ABHD17B: variants seen among roughly 807,000 people sequenced by gnomAD.
ABHD17B encodes abhydrolase domain containing 17B, depalmitoylase.
Under a neutral mutation model 26.2 loss-of-function variants are expected in ABHD17B, and 9 were observed. The observed-to-expected ratio is 0.34, with a 90% CI of 0.21 to 0.60. The LOEUF (loss-of-function observed/expected upper bound fraction) is 0.60. Ranked by LOEUF, ABHD17B falls within the 20% of genes least tolerant of loss-of-function variation. The pLI, the probability that ABHD17B is intolerant of heterozygous loss-of-function variation, is 0.80. For missense variants in ABHD17B, 224 were observed against 352.1 expected (o/e 0.64, Z 2.91); for synonymous variants, 127 against 122.3 (o/e 1.04, Z -0.25).
chr9:71,878,767 AAGAG>A (rs756590962), intron 1 of ABHD17B, among the ~76,000 whole-genome samples: 5 of 152,068 alleles, frequency 3.3e-5, no homozygotes, highest in Non-Finnish European at 5.9e-5. Context: ...AAAAAAAACA[AAGAG>A]AGAGAGAGAT....
intron 1 of ABHD17B, among the ~76,000 whole-genome samples, chr9:71,906,446 T>A (rs1449080951): frequency 6.6e-6 from 1 of 152,216 alleles, no homozygotes; most frequent in East Asian, 1.9e-4. Context: ...AGCGTCTAAT[T>A]ACTACTATTT....
chr9:71,874,758 C>T lies in ABHD17B; in HGVS notation c.323G>A (p.Ser108Asn). The T allele has an allele frequency of 6.2e-7, 1 of 1,614,138 alleles. No individual in the cohort carries two copies. Among genetic ancestry groups the T allele is most frequent in the Non-Finnish European group, 8.5e-7 (1 of 1,180,014 alleles). ...HGNAVDLGQM[S>N]SFYIGLGSRI... ...TGATCCTAGTCCTATGTAAAAGCTGCTCATTTGACCAAGATCAACAGCATT... is the reference window on the plus strand; with the variant it reads ...TGATCCTAGTCCTATGTAAAAGCTGTTCATTTGACCAAGATCAACAGCATT... The change falls in exon 2 of 4, where the codon AGC becomes AAC. Residue 108 changes from serine to asparagine, a missense_variant. Physicochemically the swap from Ser to Asn is conservative, Grantham distance 46 (BLOSUM62 1). Coordinates refer to ENST00000333421, the MANE Select transcript of ABHD17B (RefSeq NM_001025780.3).
chr9:71,881,946 A>G (rs1228294051), intron 1 of ABHD17B, among the ~76,000 whole-genome samples: 1 of 152,052 alleles, frequency 6.6e-6, no homozygotes, highest in Non-Finnish European at 1.5e-5. Flanking sequence ...CCCAATTAAT[A>G]GACAAAGGGA....
rs760070567 is a variant in ABHD17B, at chr9:71,875,057, C to T, written c.24G>A (p.Glu8=). 18 of 1,609,326 alleles carry T rather than the reference C, an allele frequency of 1.1e-5. No individual in the cohort carries two copies. The highest frequency in any genetic ancestry group is 2.2e-5 in the East Asian group (1 of 44,738). The change falls in exon 2 of 4, where the codon GAG becomes GAA. Residue 8 remains glutamate (E), a synonymous_variant. Transcript: ENST00000333421. MNNLSFS[E]LCCLFCCPPC... is the part of the protein sequence containing the mutation. ...GTGGACAGCAGAAGAGGCAACATAGCTCACTAAATGAAAGATTATTCATGC... is the reference window on the plus strand; with the variant it reads ...GTGGACAGCAGAAGAGGCAACATAGTTCACTAAATGAAAGATTATTCATGC...
intron 1 of ABHD17B, among the ~76,000 whole-genome samples, chr9:71,893,666 C>G (rs1265076078): frequency 1.3e-5 from 2 of 152,216 alleles, no homozygotes; most frequent in Non-Finnish European, 2.9e-5. Flanking sequence ...CACGCCCTCT[C>G]TCCTACCCAG....
At chr9:71,888,999 G>A (rs1210370980) in intron 1 of ABHD17B, among the ~76,000 whole-genome samples, 2 of 150,556 alleles carry the variant, frequency 1.3e-5, no homozygotes, top group Non-Finnish European at 3.0e-5. Flanking sequence ...TATTATGAAA[G>A]TATTACAAGA....
chr9:71,880,309 G>C (rs1826401580), intron 1 of ABHD17B, among the ~76,000 whole-genome samples: 1 of 151,918 alleles, frequency 6.6e-6, no homozygotes, highest in Admixed American at 6.6e-5. Context: ...AAATAAAACT[G>C]TAAGTCCACT....
intron 1 of ABHD17B, among the ~76,000 whole-genome samples, chr9:71,901,814 A>AC (rs1827151480): frequency 6.6e-6 from 1 of 152,104 alleles, no homozygotes; most frequent in Admixed American, 6.5e-5. Flanking sequence ...TTATAAAATC[A>AC]CTCACTAATA....
At chr9:71,871,676 C>T (rs966742725) in intron 2 of ABHD17B, among the ~76,000 whole-genome samples, 2 of 152,162 alleles carry the variant, frequency 1.3e-5, no homozygotes, top group African/African-American at 4.8e-5. Flanking sequence ...TAACAACTGC[C>T]TAACAGTATG....
At chr9:71,875,221 T>C in intron 1 of ABHD17B, 138 bp from the exon 2 acceptor site, 1 of 675,144 alleles carries the variant, frequency 1.5e-6, no homozygotes, top group Admixed American at 4.1e-5. Context: ...CCAAACAGAT[T>C]TTTGGCTTCT....
intron 1 of ABHD17B, among the ~76,000 whole-genome samples, chr9:71,898,540 G>A (rs1827030503): frequency 6.6e-6 from 1 of 152,014 alleles, no homozygotes; most frequent in Non-Finnish European, 1.5e-5. Context: ...TCAGGAGGCT[G>A]AGGCAGGAGA....
rs530870915 is a variant in ABHD17B, at chr9:71,883,639, T to C, written c.-3-8556A>G. ...CTTCATTCAAATAAAGGATTTCTCTTAAATGAAAAATGTCAGGGCAGCCGT... is the reference window on the plus strand; with the variant it reads ...CTTCATTCAAATAAAGGATTTCTCTCAAATGAAAAATGTCAGGGCAGCCGT... On this transcript the variant is annotated intron_variant, in intron 1 of 3. Coordinates refer to ENST00000333421, the MANE Select transcript of ABHD17B (RefSeq NM_001025780.3). Among the ~76,000 whole-genome samples the C allele has an allele frequency of 2.6e-5, 4 of 152,278 alleles. No homozygotes were observed. The South Asian group carries it at 8.3e-4, about 32-fold the overall frequency.
At position 71,866,672 on chromosome 9, in the gene ABHD17B, C is replaced by T. The variant is rs1825963702; in HGVS notation, c.*115G>A. The T allele has an allele frequency of 6.8e-7, 1 of 1,480,898 alleles. No individual in the cohort carries two copies. Among genetic ancestry groups the T allele is most frequent in the Non-Finnish European group, 8.9e-7 (1 of 1,119,072 alleles). The allele number at this position is 1,480,898 out of a possible 1,614,324, so 91.7% of individuals were successfully genotyped here. On this transcript the variant is annotated 3_prime_UTR_variant, in exon 4 of 4. Transcript: ENST00000333421. ...GTCTGTTAACAAATCATTACCTGTA[C>T]ATTTATGAAGGCAACTGACATGATT...
At chr9:71,895,818 C>T (rs1279186878) in intron 1 of ABHD17B, among the ~76,000 whole-genome samples, 2 of 152,094 alleles carry the variant, frequency 1.3e-5, no homozygotes, top group Non-Finnish European at 2.9e-5. Flanking sequence ...ACTTAATGTG[C>T]CAACAGCTTG....
chr9:71,910,335 G>C (rs903778187), intron 1 of ABHD17B, among the ~76,000 whole-genome samples: 1 of 152,036 alleles, frequency 6.6e-6, no homozygotes, highest in Non-Finnish European at 1.5e-5. Context: ...TTAGAGTGTC[G>C]GTCGGTCCTC....
intron 1 of ABHD17B, among the ~76,000 whole-genome samples, chr9:71,907,149 T>C (rs1049017750): frequency 3.3e-5 from 5 of 152,124 alleles, no homozygotes; most frequent in South Asian, 2.1e-4. Flanking sequence ...TACTGTTTAA[T>C]AGCAAACAAA....
chr9:71,892,659 G>A (rs943223071), intron 1 of ABHD17B, among the ~76,000 whole-genome samples: 7 of 151,302 alleles, frequency 4.6e-5, no homozygotes, highest in African/African-American at 1.7e-4. Context: ...ATTTGGGGGG[G>A]GGAAGGCAGG....
intron 1 of ABHD17B, among the ~76,000 whole-genome samples, chr9:71,884,734 G>A (rs540091504): frequency 5.8e-4 from 88 of 151,868 alleles, no homozygotes; most frequent in Non-Finnish European, 8.5e-4. Context: ...ATTCCAGAGG[G>A]TAACAATCAC....
chr9:71,893,295 C>T (rs987817068), intron 1 of ABHD17B, among the ~76,000 whole-genome samples: 1 of 152,186 alleles, frequency 6.6e-6, no homozygotes, highest in African/African-American at 2.4e-5. Context: ...AGTGTCACAT[C>T]CCACAGGTTG....
Sources: gnomAD v4.1 joint callset for allele counts (sites outside exome capture counted in the v4.1 genomes callset) on GRCh38, gnomAD v4.1.1 for gene constraint, MANE v1.5 for transcripts, NCBI Gene and HGNC (gene_info 2026-07-23, HGNC 2026-07-21) for gene names.